The following PTGR3 variants were observed in gnomAD, a reference collection of about 807,000 sequenced individuals.
The protein encoded by PTGR3 is zinc binding alcohol dehydrogenase domain containing 2.
the PTGR3 span, chr18:75,201,442 G>A: frequency 2.5e-6 from 4 of 1,612,656 alleles, no homozygotes; most frequent in Non-Finnish European, 3.4e-6. Context: ...ACAGAGTGAG[G>A]TAATTCAACT....
At chr18:75,198,239 T>A in the PTGR3 span, 1 of 152,206 alleles carries the variant, frequency 6.6e-6, no homozygotes, top group Non-Finnish European at 1.5e-5. Flanking sequence ...CAGCATCTTG[T>A]GGTGGTGAAC....
chr18:75,208,806 C>T, the PTGR3 span: 1,793 of 1,372,628 alleles, frequency 1.3e-3, 2 homozygotes, highest in Non-Finnish European at 1.6e-3. Flanking sequence ...GGCGCGAGCC[C>T]GGGGCGAGAA....
chr18:75,201,276 A>G, the PTGR3 span: 1 of 704,656 alleles, frequency 1.4e-6, no homozygotes, highest in Middle Eastern at 2.8e-4. Context: ...GAGGAGAAGG[A>G]GAGACCTATT....
the PTGR3 span, chr18:75,201,826 C>T: frequency 4.2e-5 from 67 of 1,614,018 alleles, no homozygotes; most frequent in Non-Finnish European, 5.3e-5. Flanking sequence ...TAGACCACAT[C>T]GACACCTTCA....
At chr18:75,206,613 G>A in the PTGR3 span, among the ~76,000 whole-genome samples, 1 of 152,154 alleles carries the variant, frequency 6.6e-6, no homozygotes, top group South Asian at 2.1e-4. Context: ...CGTGGTGGTG[G>A]GAGCAGATTT....
chr18:75,205,325 GA>G, the PTGR3 span: 1 of 985,810 alleles, frequency 1.0e-6, no homozygotes, highest in Non-Finnish European at 1.2e-6. Context: ...AGAAAGACAA[GA>G]AAGACACACT....
chr18:75,202,296 C>G, the PTGR3 span: 1 of 1,613,946 alleles, frequency 6.2e-7, no homozygotes, highest in Non-Finnish European at 8.5e-7. Flanking sequence ...GGGGTCATAG[C>G]GGCCTGCTGA....
the PTGR3 span, chr18:75,199,221 T>G: frequency 6.6e-6 from 1 of 152,628 alleles, no homozygotes; most frequent in Admixed American, 6.5e-5. Context: ...AAATTTCTAT[T>G]CTGTAGCTTA....
chr18:75,208,191 C>T, the PTGR3 span, among the ~76,000 whole-genome samples: 2 of 152,238 alleles, frequency 1.3e-5, no homozygotes, highest in African/African-American at 2.4e-5. Context: ...GGCAGCCATG[C>T]CCCCACCCCG....
chr18:75,197,459 C>G, the PTGR3 span: 1 of 152,182 alleles, frequency 6.6e-6, no homozygotes, highest in Non-Finnish European at 1.5e-5. Flanking sequence ...AAAGCGACCA[C>G]ACCAACCATA....
At chr18:75,202,219 C>CAG in the PTGR3 span, 1 of 1,614,174 alleles carries the variant, frequency 6.2e-7, no homozygotes, top group Non-Finnish European at 8.5e-7. Context: ...CTGGCACTAG[C>CAG]AGAGAGGCCT....
chr18:75,201,333 A>G, the PTGR3 span: 5 of 1,249,344 alleles, frequency 4.0e-6, no homozygotes, highest in Non-Finnish European at 5.6e-6. Flanking sequence ...TCCATTACCA[A>G]CTAAAAATAA....
At chr18:75,206,011 C>G in the PTGR3 span, among the ~76,000 whole-genome samples, 1 of 152,116 alleles carries the variant, frequency 6.6e-6, no homozygotes, top group Admixed American at 6.5e-5. Flanking sequence ...CACCTTCTTA[C>G]GAAAAAAGCT....
chr18:75,202,276 G>C, the PTGR3 span: 7 of 1,614,004 alleles, frequency 4.3e-6, no homozygotes, highest in Admixed American at 1.7e-5. Context: ...TCAAAGGGAG[G>C]CTTAACTGAG....
chr18:75,196,758 T>C, the PTGR3 span: 1 of 151,384 alleles, frequency 6.6e-6, no homozygotes, highest in African/African-American at 2.4e-5. Flanking sequence ...CACCCCAACA[T>C]GCTTCCTGAG....
the PTGR3 span, chr18:75,201,816 T>C: frequency 5.0e-5 from 80 of 1,614,158 alleles, no homozygotes; most frequent in African/African-American, 4.8e-4. Flanking sequence ...AACAGATTCA[T>C]AGACCACATC....
chr18:75,199,321 A>G, the PTGR3 span: 3 of 152,626 alleles, frequency 2.0e-5, no homozygotes, highest in South Asian at 2.1e-4. Flanking sequence ...GTTTCGAAGA[A>G]GCAATTTAGT....
the PTGR3 span, chr18:75,208,838 C>T: frequency 6.7e-7 from 1 of 1,484,474 alleles, no homozygotes; most frequent in East Asian, 3.0e-5. Context: ...GGTTGGGGGG[C>T]GCCGGGCTCA....
At chr18:75,201,576 C>G in the PTGR3 span, 10 of 1,614,152 alleles carry the variant, frequency 6.2e-6, no homozygotes, top group Non-Finnish European at 7.6e-6. Context: ...CAGGTCTCCG[C>G]TCACACACAT....
Sources: allele counts gnomAD v4.1 joint callset (sites outside exome capture counted in the v4.1 genomes callset), GRCh38; gene constraint gnomAD v4.1.1; transcripts MANE v1.5; gene names NCBI Gene and HGNC (gene_info 2026-07-23, HGNC 2026-07-21).